ADARB1: variants seen among roughly 807,000 people sequenced by gnomAD.
ADARB1 encodes double-stranded RNA-specific editase 1.
In ADARB1, 10 loss-of-function variants were observed where a neutral mutation model predicts 52.4. The ratio of observed to expected loss-of-function variants is 0.19; its 90% confidence interval spans 0.12 to 0.32. The LOEUF (loss-of-function observed/expected upper bound fraction) is 0.32, where lower values mean the gene tolerates loss of function less well. Ranked by LOEUF, ADARB1 falls within the 10% of genes least tolerant of loss-of-function variation. The pLI is 1.00. For synonymous variants in ADARB1, 349 were observed against 371.1 expected (o/e 0.94, Z 0.68); for missense variants, 643 against 922.3 (o/e 0.70, Z 3.92).
At chr21:45,168,957 T>C (rs1488652364) in intron 2 of ADARB1, among the ~76,000 whole-genome samples, 1 of 152,244 alleles carries the variant, frequency 6.6e-6, no homozygotes, top group East Asian at 1.9e-4. Flanking sequence ...GACTTTCTCA[T>C]ACACCACGGT....
intron 2 of ADARB1, chr21:45,144,562 T>G (rs2089912409): frequency 4.7e-6 from 2 of 425,030 alleles, no homozygotes; most frequent in Middle Eastern, 4.5e-4. Flanking sequence ...GTTGCTATTC[T>G]GCTTTGAATT....
At position 45,074,598 on chromosome 21, in the gene ADARB1, T is replaced by TGGCGGCCGTGGCGGCGGC. The variant is rs1555882576; in HGVS notation, c.-409_-408insCGTGGCGGCGGCGGCGGC. On this transcript the variant is annotated 5_prime_UTR_variant, in exon 1 of 11. Coordinates refer to ENST00000348831, the MANE Select transcript of ADARB1 (RefSeq NM_001112.4). Reference sequence around the variant, plus strand: ...CGGGGCTGAGGCGCTGAGGCGGCCGTGGCGGCGGCGGCGGCGGCGGCGGCA... The same window carrying TGGCGGCCGTGGCGGCGGC: ...CGGGGCTGAGGCGCTGAGGCGGCCGTGGCGGCCGTGGCGGCGGCGGCGGCGGCGGCGGCGGCGGCGGCA... 1 of 145,044 alleles carries TGGCGGCCGTGGCGGCGGC rather than the reference T, an allele frequency of 6.9e-6. No homozygotes were observed. The highest frequency in any genetic ancestry group is 2.5e-5 in the African/African-American group (1 of 39,908). 9.0% of individuals were successfully genotyped at this position (145,044 alleles called of 1,614,324 possible). A position where few individuals can be genotyped will look rare whatever the true frequency, so the allele number is the denominator to read the frequency against.
rs528107071 is a variant in ADARB1, at chr21:45,210,876, G to A, written c.1747+6140G>A. Among the ~76,000 whole-genome samples the A allele has an allele frequency of 2.0e-5, 3 of 152,352 alleles. No individual in the cohort carries two copies. The South Asian group carries it at 6.2e-4, about 32-fold the overall frequency. The stretch of plus-strand genomic sequence containing the variant: ...GCCTCTCAGCCCCACTCCCCCGGCT[G>A]CTCCCCTTCATCTACATCCAGTTAG... On this transcript the variant is annotated intron_variant, in intron 9 of 10. Transcript: ENST00000348831.
chr21:45,084,165 A>G (rs2086252506), intron 1 of ADARB1, among the ~76,000 whole-genome samples: 1 of 152,226 alleles, frequency 6.6e-6, no homozygotes, highest in South Asian at 2.1e-4. Flanking sequence ...GGGCAGTTGA[A>G]TTGCTTGTTG....
At chr21:45,083,396 A>G (rs887364598) in intron 1 of ADARB1, among the ~76,000 whole-genome samples, 2 of 152,212 alleles carry the variant, frequency 1.3e-5, no homozygotes, top group Non-Finnish European at 2.9e-5. Flanking sequence ...TTTTCTATGT[A>G]GAATAGAAAC....
intron 2 of ADARB1, among the ~76,000 whole-genome samples, 178 bp from the exon 3 acceptor site, chr21:45,171,432 A>G (rs1394623603): frequency 6.6e-6 from 1 of 152,216 alleles, no homozygotes; most frequent in Non-Finnish European, 1.5e-5. Context: ...GGAATGTGCC[A>G]AGGAGGAGTA....
intron 1 of ADARB1, among the ~76,000 whole-genome samples, chr21:45,127,690 C>T (rs927166869): frequency 3.9e-5 from 6 of 152,136 alleles, no homozygotes; most frequent in Admixed American, 1.3e-4. Context: ...TCCAGGTTCC[C>T]ACTCAGAAAC....
At chr21:45,153,037 C>G (rs1404478020) in intron 2 of ADARB1, among the ~76,000 whole-genome samples, 1 of 152,174 alleles carries the variant, frequency 6.6e-6, no homozygotes, top group Non-Finnish European at 1.5e-5. Flanking sequence ...GAGACAGATG[C>G]TTATATGAGA....
At chr21:45,120,812 A>G (rs2088133619) in intron 1 of ADARB1, 1 of 152,186 alleles carries the variant, frequency 6.6e-6, no homozygotes, top group Admixed American at 6.5e-5. Context: ...TATTTTGAGA[A>G]CAGCGTGAGG....
chr21:45,193,621 C>T (rs558657587), intron 8 of ADARB1, among the ~76,000 whole-genome samples: 1 of 152,124 alleles, frequency 6.6e-6, no homozygotes, highest in Non-Finnish European at 1.5e-5. Flanking sequence ...ACATACTTAT[C>T]TATGTAGGAA....
chr21:45,103,912 C>T (rs1037661197), intron 1 of ADARB1, among the ~76,000 whole-genome samples: 15 of 152,116 alleles, frequency 9.9e-5, no homozygotes, highest in Non-Finnish European at 8.8e-5. Flanking sequence ...GTAAGTGGTT[C>T]CACTAGTTTT....
chr21:45,112,947 G>A (rs1158466254), intron 1 of ADARB1, among the ~76,000 whole-genome samples: 4 of 151,708 alleles, frequency 2.6e-5, no homozygotes, highest in Non-Finnish European at 4.4e-5. Context: ...GGGTGCTGGG[G>A]CCATGTGGGT....
chr21:45,156,450 TCCAC>T (rs2090643459), intron 2 of ADARB1, among the ~76,000 whole-genome samples: 1 of 123,946 alleles, frequency 8.1e-6, no homozygotes, highest in Non-Finnish European at 1.7e-5. Flanking sequence ...CGTCCATCCA[TCCAC>T]CCACCCATCA....
intron 2 of ADARB1, among the ~76,000 whole-genome samples, chr21:45,134,391 T>TGTGTGCCCGACAG: frequency 3.9e-5 from 1 of 25,746 alleles, no homozygotes. Context: ...GTGCGCCCGA[T>TGTGTGCCCGACAG]GGGTGTGTGT....
At chr21:45,159,014 G>A (rs578069673) in intron 2 of ADARB1, among the ~76,000 whole-genome samples, 38 of 152,188 alleles carry the variant, frequency 2.5e-4, no homozygotes, top group South Asian at 6.2e-4. Flanking sequence ...TCTTATGGAA[G>A]CAGTACATGT....
At chr21:45,174,729 G>A (rs2091625477) in intron 3 of ADARB1, among the ~76,000 whole-genome samples, 1 of 145,874 alleles carries the variant, frequency 6.9e-6, no homozygotes, top group African/African-American at 2.6e-5. Context: ...ATACATACAT[G>A]TATAAATCCA....
rs533888698 is a variant in ADARB1 at position 45,187,350 on chromosome 21, G to A, written c.1565+2259G>A. 4.6e-5 allele frequency among the ~76,000 whole-genome samples: 7 copies of A among 152,168 alleles called. 1 individual carries two copies. The South Asian group carries it at 1.2e-3, about 27-fold the overall frequency. ...GTGCATGGAAATGCAACTGATTTTT[G>A]TGTGTTGATTTTGTATCCTATGATT... On this transcript the variant is annotated intron_variant, in intron 8 of 10. Coordinates refer to ENST00000348831, the MANE Select transcript of ADARB1 (RefSeq NM_001112.4).
chr21:45,123,463 C>T (rs1372842634), intron 1 of ADARB1, among the ~76,000 whole-genome samples: 2 of 152,148 alleles, frequency 1.3e-5, no homozygotes, highest in African/African-American at 2.4e-5. Flanking sequence ...GCCACCACTC[C>T]TGGCTAATTT....
intron 2 of ADARB1, among the ~76,000 whole-genome samples, chr21:45,161,744 C>T (rs2090981764): frequency 6.6e-6 from 1 of 152,220 alleles, no homozygotes; most frequent in Non-Finnish European, 1.5e-5. Flanking sequence ...CCCAGGCTGT[C>T]AGTTCCACAG....
Sources: allele counts gnomAD v4.1 joint callset (sites outside exome capture counted in the v4.1 genomes callset), GRCh38; gene constraint gnomAD v4.1.1; transcripts MANE v1.5; gene names NCBI Gene and HGNC (gene_info 2026-07-23, HGNC 2026-07-21).